SAMD9L: variants seen among roughly 807,000 people sequenced by gnomAD.
SAMD9L encodes sterile alpha motif domain containing 9 like.
Under a neutral mutation model 90.7 loss-of-function variants are expected in SAMD9L, and 68 were observed. The observed-to-expected ratio is 0.75, with a 90% CI of 0.62 to 0.92. The LOEUF (loss-of-function observed/expected upper bound fraction) is 0.92. Ranked by LOEUF, SAMD9L falls within the 40% of genes least tolerant of loss-of-function variation. SAMD9L has a pLI of 0.00. For synonymous variants in SAMD9L, 640 were observed against 630.1 expected (o/e 1.02, Z -0.23); for missense variants, 1,604 against 1,824.3 (o/e 0.88, Z 2.20).
chr7:93,142,253 C>A (rs1404049614), intron 4 of SAMD9L, among the ~76,000 whole-genome samples: 1 of 152,156 alleles, frequency 6.6e-6, no homozygotes, highest in African/African-American at 2.4e-5. Flanking sequence ...ATTTCTCATT[C>A]TGTGTCAGCA....
In SAMD9L at chr7:93,131,511, A is replaced by G. The variant is rs1792091830; in HGVS notation, c.4461T>C (p.Ile1487=). 6.2e-7 allele frequency: 1 copy of G among 1,613,936 alleles called. No homozygotes were observed. The highest frequency in any genetic ancestry group is 8.5e-7 in the Non-Finnish European group (1 of 1,179,902). ...YLGKRKGLNS[I]VHKAKIEQYF... ...ACTGCTCTATTTTGGCCTTGTGAAC[A>G]ATACTGTTTAGACCCTTCCTTTTGC... The change falls in exon 5 of 5, where the codon ATT becomes ATC. Residue 1487 remains isoleucine (I), a synonymous_variant. Transcript: ENST00000318238.
chr7:93,131,375 G>T lies in SAMD9L; in HGVS notation c.4597C>A (p.Leu1533Ile), dbSNP rs994735355. 6 of 1,613,628 alleles carry T rather than the reference G, an allele frequency of 3.7e-6. No homozygotes were observed. In the South Asian group the frequency reaches 6.6e-5, roughly 18 times the overall value. Residue 1533 changes from leucine (L) to isoleucine (I), a missense_variant, in exon 5 of 5, where the codon CTA becomes ATA. Physicochemically the swap from Leu to Ile is conservative, Grantham distance 5. Coordinates refer to ENST00000318238, the MANE Select transcript of SAMD9L (RefSeq NM_152703.5). Reference sequence around the variant, plus strand: ...TCTGTTCCATATTCTACAGAGATTAGCTTGCCTTCAGCCTGACCAGTTAGA... The same window carrying T: ...TCTGTTCCATATTCTACAGAGATTATCTTGCCTTCAGCCTGACCAGTTAGA... ...RRLTGQAEGK[L>I]ISVEYGTEEK...
chr7:93,138,068 A>G (rs1261962405), intron 4 of SAMD9L, among the ~76,000 whole-genome samples: 1 of 152,084 alleles, frequency 6.6e-6, no homozygotes, highest in African/African-American at 2.4e-5. Context: ...GAATTCTCTT[A>G]CTTACTCTGG....
Position 93,133,042 on chromosome 7 carries a change from G to T in SAMD9L, c.2930C>A (p.Ala977Glu). 5 of 1,613,588 alleles carry T rather than the reference G, an allele frequency of 3.1e-6. No homozygotes were observed. The highest frequency in any genetic ancestry group is 4.2e-6 in the Non-Finnish European group (5 of 1,179,700). The change falls in exon 5 of 5, where the codon GCA becomes GAA. Residue 977 changes from alanine to glutamate, a missense_variant. Transcript: ENST00000318238. ...YSTLLIKTEVAEYGRYTGVRI... is the reference protein window; with the variant it reads ...YSTLLIKTEVEEYGRYTGVRI... ...CACACCTGTGTATCTCCCATATTCT[G>T]CAACTTCTGTTTTTATTAGAAGTGT...
intron 4 of SAMD9L, among the ~76,000 whole-genome samples, chr7:93,138,270 A>G (rs1309114295): frequency 6.6e-6 from 1 of 152,212 alleles, no homozygotes; most frequent in Non-Finnish European, 1.5e-5. Flanking sequence ...AGTGTTATTT[A>G]TCTTAAGTAG....
At position 93,132,252 on chromosome 7, in the gene SAMD9L, AG is replaced by A. The variant is rs762131767; in HGVS notation, c.3719del (p.Pro1240LeufsTer18). On this transcript the variant is annotated frameshift_variant, in exon 5 of 5. Coordinates refer to ENST00000318238, the MANE Select transcript of SAMD9L (RefSeq NM_152703.5). LOFTEE classifies it high-confidence loss of function. ...QFLSGKWTIP[P>X]DPRNECYLAL... is the part of the protein sequence containing the mutation. The stretch of plus-strand genomic sequence containing the variant: ...CCAAATAACATTCATTTCTGGGATC[AG>A]GAGGAATGGTCCACTTTCCTGATAA... 4.3e-6 allele frequency: 7 copies of A among 1,613,832 alleles called. No individual in the cohort carries two copies. The highest frequency in any genetic ancestry group is 5.9e-6 in the Non-Finnish European group (7 of 1,179,878).
Position 93,146,946 on chromosome 7 carries a change from G to A in SAMD9L, c.-842C>T, listed in dbSNP as rs1562805658. Reference sequence around the variant, plus strand: ...CCATTTCTCACACAGCGTTTTCCCTGGAGGAGGTCCCTTTTGACTCTAGGT... The same window carrying A: ...CCATTTCTCACACAGCGTTTTCCCTAGAGGAGGTCCCTTTTGACTCTAGGT... On this transcript the variant is annotated 5_prime_UTR_variant, in exon 2 of 5. Transcript: ENST00000318238. The A allele has an allele frequency of 6.6e-6, 1 of 152,196 alleles. No homozygotes were observed. The highest frequency in any genetic ancestry group is 1.5e-5 in the Non-Finnish European group (1 of 68,050). 9.4% of individuals were successfully genotyped at this position (152,196 alleles called of 1,614,324 possible).
In SAMD9L at chr7:93,131,759, T is replaced by A. The variant is rs750703595; in HGVS notation, c.4213A>T (p.Thr1405Ser). Residue 1405 changes from threonine to serine, a missense_variant, in exon 5 of 5, where the codon ACG becomes TCG. This residue lies in a region of SAMD9L where 282 missense variants were observed against 329.6 expected (regional missense o/e 0.86). Coordinates refer to ENST00000318238, the MANE Select transcript of SAMD9L (RefSeq NM_152703.5). ...PNSKLIQPLTTLKKQLREVLQ... is the reference protein window; with the variant it reads ...PNSKLIQPLTSLKKQLREVLQ... ...ACCTCTCGGAGTTGTTTTTTTAGCG[T>A]GGTAAGTGGTTGAATTAACTTGGAG... 1.2e-6 allele frequency: 2 copies of A among 1,613,722 alleles called. No individual in the cohort carries two copies. The highest frequency in any genetic ancestry group is 1.1e-5 in the South Asian group (1 of 91,058).
chr7:93,142,450 C>T (rs1181896092), intron 4 of SAMD9L, among the ~76,000 whole-genome samples: 1 of 152,200 alleles, frequency 6.6e-6, no homozygotes, highest in African/African-American at 2.4e-5. Context: ...GAGACCAAAA[C>T]CAACTCCAGC....
In SAMD9L at chr7:93,145,509, G is replaced by T. The variant is rs1174210607; in HGVS notation, c.-247C>A. Reference sequence around the variant, plus strand: ...GATAATTTGCAAGAGTCACGTTCTGGAAAGCAGCTATGAGGAAGCAGAGCT... The same window carrying T: ...GATAATTTGCAAGAGTCACGTTCTGTAAAGCAGCTATGAGGAAGCAGAGCT... On this transcript the variant is annotated 5_prime_UTR_variant, in exon 3 of 5. Transcript: ENST00000318238. 1 of 152,170 alleles carries T rather than the reference G, an allele frequency of 6.6e-6. No individual in the cohort carries two copies. The highest frequency in any genetic ancestry group is 1.5e-5 in the Non-Finnish European group (1 of 68,032). 9.4% of individuals were successfully genotyped at this position (152,170 alleles called of 1,614,324 possible). A position where few individuals can be genotyped will look rare whatever the true frequency, so the allele number is the denominator to read the frequency against.
rs1055455007 is a variant in SAMD9L at position 93,130,699 on chromosome 7, G to T, written c.*518C>A. 1 of 149,594 alleles carries T rather than the reference G, an allele frequency of 6.7e-6. No individual in the cohort carries two copies. Among genetic ancestry groups the T allele is most frequent in the African/African-American group, 2.6e-5 (1 of 38,558 alleles). The allele number at this position is 149,594 out of a possible 1,614,324, so 9.3% of individuals were successfully genotyped here. ...TGTGTGTGTGTGTGTGTGTGTGTGT[G>T]TGTGTTGGGGAGAGTGTTATGTGGT... On this transcript the variant is annotated 3_prime_UTR_variant, in exon 5 of 5. Transcript: ENST00000318238.
At position 93,132,261 on chromosome 7, in the gene SAMD9L, G is replaced by C. The variant is rs749348965; in HGVS notation, c.3711C>G (p.Thr1237=). ...ATTCATTTCTGGGATCAGGAGGAAT[G>C]GTCCACTTTCCTGATAAAAATTGCA... ...HMVQFLSGKW[T]IPPDPRNECY... The change falls in exon 5 of 5, where the codon ACC becomes ACG. Residue 1237 remains threonine, a synonymous_variant. Coordinates refer to ENST00000318238, the MANE Select transcript of SAMD9L (RefSeq NM_152703.5). 2 of 1,613,718 alleles carry C rather than the reference G, an allele frequency of 1.2e-6. No individual in the cohort carries two copies. Among genetic ancestry groups the C allele is most frequent in the South Asian group, 1.1e-5 (1 of 91,060 alleles).
rs1792215270 is a variant in SAMD9L, at chr7:93,133,092, T to C, written c.2880A>G (p.Leu960=). 6.2e-7 allele frequency: 1 copy of C among 1,613,024 alleles called. No individual in the cohort carries two copies. Among genetic ancestry groups the C allele is most frequent in the Non-Finnish European group, 8.5e-7 (1 of 1,179,222 alleles). The change falls in exon 5 of 5, where the codon TTA becomes TTG. Residue 960 remains leucine, a synonymous_variant. Coordinates refer to ENST00000318238, the MANE Select transcript of SAMD9L (RefSeq NM_152703.5). ...YTSTPWEPES[L]EDKMGTYSTL... is the part of the protein sequence containing the mutation. ...TAGAATAAGTTCCCATCTTGTCTTC[T>C]AAGCTTTCAGGTTCCCAGGGTGTAC...
At position 93,131,044 on chromosome 7, in the gene SAMD9L, G is replaced by A. The variant is rs146055993; in HGVS notation, c.*173C>T. ...GACTCCACTTTGTGCCAAGCTCTGC[G>A]GGTAGGCATATTTCATATCTTAAAA... is the stretch of plus-strand genomic sequence containing the variant. On this transcript the variant is annotated 3_prime_UTR_variant, in exon 5 of 5. Coordinates refer to ENST00000318238, the MANE Select transcript of SAMD9L (RefSeq NM_152703.5). 411 of 488,496 alleles carry A rather than the reference G, an allele frequency of 8.4e-4. No homozygotes were observed. The East Asian group carries it at 0.011, about 13-fold the overall frequency. 30.3% of individuals were successfully genotyped at this position (488,496 alleles called of 1,614,324 possible).
At chr7:93,145,029 A>G (rs1489976703) in intron 3 of SAMD9L, among the ~76,000 whole-genome samples, 196 bp from the exon 4 acceptor site, 1 of 152,134 alleles carries the variant, frequency 6.6e-6, no homozygotes, top group Non-Finnish European at 1.5e-5. Context: ...ACATGGCTAC[A>G]ATTTTCTACA....
Position 93,132,859 on chromosome 7 carries a change from A to C in SAMD9L, c.3113T>G (p.Leu1038Arg). The C allele has an allele frequency of 6.2e-7, 1 of 1,613,798 alleles. No homozygotes were observed. Among genetic ancestry groups the C allele is most frequent in the Non-Finnish European group, 8.5e-7 (1 of 1,179,796 alleles). ...RDKFQHDVQTLLLTRQRKVYG... is the reference protein window; with the variant it reads ...RDKFQHDVQTRLLTRQRKVYG... ...CACCTTGCGCTGTCTTGTAAGCAGAAGAGTTTGAACATCATGTTGAAATTT... is the reference window on the plus strand; with the variant it reads ...CACCTTGCGCTGTCTTGTAAGCAGACGAGTTTGAACATCATGTTGAAATTT... The change falls in exon 5 of 5, where the codon CTT (leucine) becomes CGT (arginine). Residue 1038 changes from leucine (L) to arginine (R), a missense_variant. By Grantham distance (102) the Leu-to-Arg change is moderately radical. Around this residue, in one of 7 missense-constraint regions of SAMD9L, gnomAD observed 302 missense variants for 314.7 expected, o/e 0.96. Transcript: ENST00000318238.
intron 4 of SAMD9L, among the ~76,000 whole-genome samples, chr7:93,142,603 CT>C (rs1288176363): frequency 3.3e-5 from 5 of 152,188 alleles, no homozygotes; most frequent in African/African-American, 1.2e-4. Context: ...AACACTTCTC[CT>C]CAGGTTTTGG....
chr7:93,133,859 A>G lies in SAMD9L; in HGVS notation c.2113T>C (p.Tyr705His), dbSNP rs747418346. The change falls in exon 5 of 5, where the codon TAT becomes CAT. Residue 705 changes from tyrosine to histidine, a missense_variant. This residue lies in a region of SAMD9L where 606 missense variants were observed against 717.6 expected (regional missense o/e 0.84). Coordinates refer to ENST00000318238, the MANE Select transcript of SAMD9L (RefSeq NM_152703.5). Reference sequence around the variant, plus strand: ...TCCCTTTTAACAAAATCTGAAGAATAGTTTTCAGAAGAAAAATAGAAGTTC... The same window carrying G: ...TCCCTTTTAACAAAATCTGAAGAATGGTTTTCAGAAGAAAAATAGAAGTTC... ...WWNFYFSSEN[Y>H]SSDFVKRDSY... 6.2e-7 allele frequency: 1 copy of G among 1,613,454 alleles called. No homozygotes were observed.
intron 2 of SAMD9L, among the ~76,000 whole-genome samples, chr7:93,146,414 A>G (rs547389679): frequency 2.6e-5 from 4 of 152,114 alleles, no homozygotes; most frequent in South Asian, 2.1e-4. Flanking sequence ...TTTTTTATCT[A>G]CTTAGGACTT....
Sources: gnomAD v4.1 joint callset for allele counts (sites outside exome capture counted in the v4.1 genomes callset) on GRCh38, gnomAD v4.1.1 for gene constraint, gnomAD v4.1.1 regional missense constraint, MANE v1.5 for transcripts, NCBI Gene and HGNC (gene_info 2026-07-23, HGNC 2026-07-21) for gene names.